MCU: variants seen among roughly 807,000 people sequenced by gnomAD.
MCU encodes calcium uniporter protein, mitochondrial.
In MCU, 12 loss-of-function variants were observed where a neutral mutation model predicts 45.2. That is an observed-to-expected ratio of 0.27 (90% CI 0.17 to 0.43). The LOEUF (loss-of-function observed/expected upper bound fraction) is 0.43. Ranked by LOEUF, MCU falls within the 20% of genes least tolerant of loss-of-function variation. The pLI, the probability that MCU is intolerant of heterozygous loss-of-function variation, is 1.00. For missense variants in MCU, 324 were observed against 436.7 expected (o/e 0.74, Z 2.30); for synonymous variants, 160 against 165.1 (o/e 0.97, Z 0.24).
chr10:72,706,271 T>A (rs1319844299), intron 1 of MCU, among the ~76,000 whole-genome samples: 2 of 151,974 alleles, frequency 1.3e-5, no homozygotes, highest in Admixed American at 6.6e-5. Flanking sequence ...CTTTTCGTAG[T>A]AAAATTGTAG....
At chr10:72,696,800 C>G (rs1049577369) in intron 1 of MCU, among the ~76,000 whole-genome samples, 2 of 152,080 alleles carry the variant, frequency 1.3e-5, no homozygotes, top group Non-Finnish European at 2.9e-5. Flanking sequence ...CTCTCCCTAT[C>G]CCCCTACCCC....
chr10:72,885,910 G>T lies in MCU; in HGVS notation c.*88G>T, dbSNP rs181170766. On this transcript the variant is annotated 3_prime_UTR_variant, in exon 8 of 8. Coordinates refer to ENST00000373053, the MANE Select transcript of MCU (RefSeq NM_138357.3). Reference sequence around the variant, plus strand: ...TGCAGGTGGAAGCTGGGAGCCATGTGGGGGGTAGAGCGTTTTTACCTTTAA... The same window carrying T: ...TGCAGGTGGAAGCTGGGAGCCATGTTGGGGGTAGAGCGTTTTTACCTTTAA... The T allele has an allele frequency of 3.4e-5, 34 of 1,011,240 alleles. No homozygotes were observed. The highest frequency in any genetic ancestry group is 4.5e-5 in the Non-Finnish European group (29 of 648,678). The allele number at this position is 1,011,240 out of a possible 1,614,324, so 62.6% of individuals were successfully genotyped here. A position where few individuals can be genotyped will look rare whatever the true frequency, so the allele number is the denominator to read the frequency against.
At position 72,734,788 on chromosome 10, in the gene MCU, A is replaced by T. The variant is rs564547652; in HGVS notation, c.150+42487A>T. 9.6e-3 allele frequency among the ~76,000 whole-genome samples: 1,418 copies of T among 148,172 alleles called. 4 individuals are homozygous for T. Among genetic ancestry groups the T allele is most frequent in the African/African-American group, 0.014 (550 of 40,468 alleles). On this transcript the variant is annotated intron_variant, in intron 1 of 7. Transcript: ENST00000373053. ...GACACCATGCCTAGCTATTAAAAAA[A>T]TTTTTTTTTTTGTGGAGACAGGTCT...
chr10:72,798,867 A>G (rs879863982), intron 1 of MCU, among the ~76,000 whole-genome samples: 7 of 152,194 alleles, frequency 4.6e-5, no homozygotes, highest in African/African-American at 7.2e-5. Flanking sequence ...ATTTAATTTT[A>G]TAACTTAATT....
At chr10:72,749,851 C>A (rs750677197) in intron 1 of MCU, among the ~76,000 whole-genome samples, 9 of 152,086 alleles carry the variant, frequency 5.9e-5, no homozygotes, top group Non-Finnish European at 1.2e-4. Flanking sequence ...ACTGCAGCCT[C>A]CGCCTCCCAG....
chr10:72,880,230 T>C (rs1845679610), intron 6 of MCU, among the ~76,000 whole-genome samples: 1 of 152,094 alleles, frequency 6.6e-6, no homozygotes, highest in East Asian at 1.9e-4. Flanking sequence ...ATATGAAAGA[T>C]ACAAAGATTG....
rs866413362 is a variant in MCU at position 72,804,071 on chromosome 10, T to C, written c.151-30288T>C. On this transcript the variant is annotated intron_variant, in intron 1 of 7. Coordinates refer to ENST00000373053, the MANE Select transcript of MCU (RefSeq NM_138357.3). ...ATATATATATATATATATATATATATATAAAATAAGAGTGCCAACAATTTA... is the reference window on the plus strand; with the variant it reads ...ATATATATATATATATATATATATACATAAAATAAGAGTGCCAACAATTTA... 2.9e-3 allele frequency among the ~76,000 whole-genome samples: 171 copies of C among 59,402 alleles called. 2 individuals carry two copies. Among genetic ancestry groups the C allele is most frequent in the African/African-American group, 0.013 (162 of 12,280 alleles). The allele number at this position is 59,402 out of a possible 152,430, so 39.0% of individuals were successfully genotyped here.
intron 1 of MCU, among the ~76,000 whole-genome samples, chr10:72,725,803 G>A (rs1843090556): frequency 6.6e-6 from 1 of 151,996 alleles, no homozygotes; most frequent in African/African-American, 2.4e-5. Flanking sequence ...AGAATTGCTT[G>A]AACCCAGGAG....
Position 72,693,742 on chromosome 10 carries a change from A to T in MCU, c.150+1441A>T, listed in dbSNP as rs544036960. On this transcript the variant is annotated intron_variant, in intron 1 of 7. Coordinates refer to ENST00000373053, the MANE Select transcript of MCU (RefSeq NM_138357.3). ...GGGTGACAGCCAAGAGCTTTTCCACAGTTCAATTTAATTTGCATGTTTCAT... is the reference window on the plus strand; with the variant it reads ...GGGTGACAGCCAAGAGCTTTTCCACTGTTCAATTTAATTTGCATGTTTCAT... Among the ~76,000 whole-genome samples, 93 of 152,308 alleles carry T rather than the reference A, an allele frequency of 6.1e-4. 2 individuals carry two copies. In the South Asian group the frequency reaches 0.019, roughly 31 times the overall value.
chr10:72,717,327 T>C (rs1170399171), intron 1 of MCU, among the ~76,000 whole-genome samples: 1 of 151,842 alleles, frequency 6.6e-6, no homozygotes, highest in African/African-American at 2.4e-5. Flanking sequence ...TGGCACGATC[T>C]CGGCTCACTG....
rs571793416 is a variant in MCU at position 72,750,673 on chromosome 10, G to A, written c.150+58372G>A. 3.3e-5 allele frequency among the ~76,000 whole-genome samples: 5 copies of A among 151,964 alleles called. No individual in the cohort carries two copies. The South Asian group carries it at 1.0e-3, about 32-fold the overall frequency. On this transcript the variant is annotated intron_variant, in intron 1 of 7. Transcript: ENST00000373053. ...TATTTAATAAAATTGACCTTTTTTT[G>A]ATGTACGTGTCTATGAATTTACATA...
intron 1 of MCU, among the ~76,000 whole-genome samples, chr10:72,832,928 A>G (rs184653219): frequency 7.4e-5 from 3 of 40,458 alleles, no homozygotes; most frequent in East Asian, 4.1e-4. Flanking sequence ...TTTGAAACCA[A>G]TAGCTATGTG....
chr10:72,692,635 C>T (rs1250238069), intron 1 of MCU: 120 of 1,136,096 alleles, frequency 1.1e-4, no homozygotes, highest in Non-Finnish European at 1.3e-4. Flanking sequence ...TCTTAACAGC[C>T]CTGCCCCAAG....
At chr10:72,883,689 A>G (rs1477084349) in intron 6 of MCU, among the ~76,000 whole-genome samples, 2 of 152,220 alleles carry the variant, frequency 1.3e-5, no homozygotes, top group Non-Finnish European at 2.9e-5. Flanking sequence ...AAGCTTATCA[A>G]TAGTAGAATG....
At chr10:72,771,602 G>A (rs917337519) in intron 1 of MCU, among the ~76,000 whole-genome samples, 2 of 151,978 alleles carry the variant, frequency 1.3e-5, no homozygotes, top group African/African-American at 2.4e-5. Context: ...CTTTTTTGTT[G>A]TTTCAACACT....
At chr10:72,742,617 A>G (rs1455496250) in intron 1 of MCU, among the ~76,000 whole-genome samples, 1 of 152,204 alleles carries the variant, frequency 6.6e-6, no homozygotes, top group Admixed American at 6.5e-5. Context: ...GTAGGATTTA[A>G]TTAGGACAAA....
At chr10:72,792,428 C>CT in intron 1 of MCU, among the ~76,000 whole-genome samples, 1 of 152,296 alleles carries the variant, frequency 6.6e-6, no homozygotes, top group South Asian at 2.1e-4. Context: ...GAATGTTAAA[C>CT]TGCTTCCTGG....
chr10:72,872,995 T>C (rs1402711340), intron 6 of MCU, among the ~76,000 whole-genome samples: 2 of 150,786 alleles, frequency 1.3e-5, no homozygotes, highest in East Asian at 3.9e-4. Flanking sequence ...TGTTTGTTTT[T>C]GTTTTTTTGT....
At chr10:72,737,281 A>C (rs1843264133) in intron 1 of MCU, among the ~76,000 whole-genome samples, 1 of 152,214 alleles carries the variant, frequency 6.6e-6, no homozygotes, top group Non-Finnish European at 1.5e-5. Flanking sequence ...TATAGGAATA[A>C]AAGTGGTAAT....
Sources: gnomAD v4.1 joint callset for allele counts (sites outside exome capture counted in the v4.1 genomes callset) on GRCh38, gnomAD v4.1.1 for gene constraint, MANE v1.5 for transcripts, NCBI Gene and HGNC (gene_info 2026-07-23, HGNC 2026-07-21) for gene names.